LRR1: variants seen among roughly 807,000 people sequenced by gnomAD.
LRR1 encodes the protein leucine rich repeat protein 1, also known as leucine-rich repeat protein 1.
A neutral mutation model predicts 31.6 loss-of-function variants in LRR1; 29 were observed. That is an observed-to-expected ratio of 0.92 (90% CI 0.68 to 1.25). LRR1 has a LOEUF of 1.25. Ranked by LOEUF, LRR1 falls within the 50% of genes most tolerant of loss-of-function variation. The pLI, the probability that LRR1 is intolerant of heterozygous loss-of-function variation, is 0.00. For missense variants in LRR1, 485 were observed against 487.2 expected (o/e 1.00, Z 0.04); for synonymous variants, 179 against 181.4 (o/e 0.99, Z 0.10).
At chr14:49,602,552 G>C in intron 2 of LRR1, 84 bp downstream of exon 2, 5 of 1,169,868 alleles carry the variant, frequency 4.3e-6, no homozygotes, top group Non-Finnish European at 6.3e-6. Flanking sequence ...TGTCACCCAA[G>C]CTGAAGTACA....
chr14:49,612,626 TA>T, intron 3 of LRR1: 1 of 1,051,630 alleles, frequency 9.5e-7, no homozygotes, highest in Middle Eastern at 2.7e-4. Context: ...GTACCAAAGG[TA>T]ACCGCTGTTT....
chr14:49,600,842 G>T, intron 1 of LRR1: 1 of 879,200 alleles, frequency 1.1e-6, no homozygotes. Context: ...ATTTCAACTA[G>T]AAGGTACAAT....
intron 1 of LRR1, chr14:49,600,993 C>A: frequency 1.2e-6 from 2 of 1,605,620 alleles, no homozygotes; most frequent in Non-Finnish European, 1.7e-6. Flanking sequence ...AAAGAAATAT[C>A]TCCCTTTTCT....
chr14:49,602,135 A>C (rs548597939), intron 1 of LRR1, among the ~76,000 whole-genome samples: 4 of 142,574 alleles, frequency 2.8e-5, no homozygotes, highest in Non-Finnish European at 6.0e-5. Flanking sequence ...CTCAAAAAAA[A>C]ACAACTTTTT....
At position 49,608,406 on chromosome 14, in the gene LRR1, A is replaced by ATTTTTTTTTTTTTTT. The variant is rs71408651; in HGVS notation, c.1004+312_1004+326dup. 9.0e-4 allele frequency among the ~76,000 whole-genome samples: 19 copies of ATTTTTTTTTTTTTTT among 21,098 alleles called. 1 individual carries two copies. The highest frequency in any genetic ancestry group is 1.2e-3 in the Non-Finnish European group (14 of 12,160). The allele number at this position is 21,098 out of a possible 152,430, so 13.8% of individuals were successfully genotyped here. A position where few individuals can be genotyped will look rare whatever the true frequency, so the allele number is the denominator to read the frequency against. On this transcript the variant is annotated intron_variant, in intron 3 of 3. Coordinates refer to ENST00000298288, the MANE Select transcript of LRR1 (RefSeq NM_152329.4). ...ATTCCTTCCCTCCTTACATTGCTTG[A>ATTTTTTTTTTTTTTT]TTTTTTTTTTTTTTTTTTTTTTTTT... is the stretch of plus-strand genomic sequence containing the variant.
rs1356725059 is a variant in LRR1 at position 49,614,436 on chromosome 14, T to A, written c.1185T>A (p.Pro395=). The change falls in exon 4 of 4, where the codon CCT becomes CCA. Residue 395 remains proline (P), a synonymous_variant. Transcript: ENST00000298288. ...ATAATTTGGGTGGTACTGAAGCACC[T>A]ATTATCTCTTATTTCTGTTCTCTAG... is the stretch of plus-strand genomic sequence containing the variant. ...LVDNLGGTEA[P]IISYFCSLGC... 7 of 1,613,944 alleles carry A rather than the reference T, an allele frequency of 4.3e-6. No homozygotes were observed. The highest frequency in any genetic ancestry group is 5.9e-6 in the Non-Finnish European group (7 of 1,179,874).
chr14:49,606,625 C>T (rs1312886724), intron 2 of LRR1, among the ~76,000 whole-genome samples: 1 of 149,398 alleles, frequency 6.7e-6, no homozygotes, highest in Non-Finnish European at 1.5e-5. Context: ...AGGCGTGAGT[C>T]ACTACACCTG....
At chr14:49,602,534 T>C in intron 2 of LRR1, 66 bp downstream of exon 2, 3 of 1,331,218 alleles carry the variant, frequency 2.3e-6, no homozygotes, top group Non-Finnish European at 3.2e-6. Context: ...AGAAACAGAG[T>C]CTTGTTCTGT....
intron 3 of LRR1, 99 bp downstream of exon 3, chr14:49,608,220 T>A: frequency 4.1e-6 from 5 of 1,220,216 alleles, no homozygotes; most frequent in South Asian, 1.6e-5. Flanking sequence ...TACAGTGCTA[T>A]GCACAGTCTG....
chr14:49,607,356 T>G, intron 2 of LRR1, 44 bp from the exon 3 acceptor site: 1 of 1,498,638 alleles, frequency 6.7e-7, no homozygotes, highest in East Asian at 2.3e-5. Flanking sequence ...ATGTATGTAT[T>G]ATCTCCAGTG....
In LRR1 at chr14:49,613,151, A is replaced by T. The variant is rs560912998; in HGVS notation, c.1005-1105A>T. On this transcript the variant is annotated intron_variant, in intron 3 of 3. Coordinates refer to ENST00000298288, the MANE Select transcript of LRR1 (RefSeq NM_152329.4). ...TCAGGAGATCGAGACCATCCTGGCT[A>T]ACATGGTGAAACCCTGCCTCTACTA... Among the ~76,000 whole-genome samples the T allele has an allele frequency of 1.4e-4, 22 of 152,168 alleles. No homozygotes were observed. The East Asian group carries it at 4.1e-3, about 28-fold the overall frequency.
At chr14:49,605,817 T>C (rs556969632) in intron 2 of LRR1, among the ~76,000 whole-genome samples, 1 of 152,308 alleles carries the variant, frequency 6.6e-6, no homozygotes, top group Admixed American at 6.5e-5. Context: ...TGTACCTAGT[T>C]GACCCAGGTC....
intron 1 of LRR1, among the ~76,000 whole-genome samples, chr14:49,599,736 G>A (rs1426483349): frequency 7.4e-5 from 11 of 149,658 alleles, no homozygotes; most frequent in Non-Finnish European, 1.5e-4. Flanking sequence ...CGGGCGCCGA[G>A]TGGCGGGGGC....
chr14:49,608,899 CTTTTTTTTTTTTTTTT>C (rs34457930), intron 3 of LRR1, among the ~76,000 whole-genome samples: 1 of 71,544 alleles, frequency 1.4e-5, no homozygotes. Flanking sequence ...ACTTTAACCT[CTTTTTTTTTTTTTTTT>C]TTTTTTTTTT....
chr14:49,601,960 G>C (rs6572590), intron 1 of LRR1, among the ~76,000 whole-genome samples: 109,367 of 151,602 alleles, frequency 0.72, 40,605 homozygotes, highest in Non-Finnish European at 0.76. Flanking sequence ...TGATGAAACC[G>C]TGTTTCTACT....
At chr14:49,601,912 C>T (rs932674203) in intron 1 of LRR1, among the ~76,000 whole-genome samples, 4 of 151,436 alleles carry the variant, frequency 2.6e-5, no homozygotes, top group Non-Finnish European at 5.9e-5. Flanking sequence ...GCAGGCAGAT[C>T]ACTTGAGGCC....
At chr14:49,609,242 T>C (rs1390602231) in intron 3 of LRR1, among the ~76,000 whole-genome samples, 10 of 137,098 alleles carry the variant, frequency 7.3e-5, no homozygotes, top group African/African-American at 2.9e-4. Context: ...TTTTTTTTTT[T>C]TGAGACAGGG....
chr14:49,612,731 A>G (rs1882557732), intron 3 of LRR1: 1 of 743,574 alleles, frequency 1.3e-6, no homozygotes. Flanking sequence ...TTTGTTGAAA[A>G]ATATCTGAGC....
At chr14:49,601,039 T>G in intron 1 of LRR1, 1 of 1,611,156 alleles carries the variant, frequency 6.2e-7, no homozygotes, top group South Asian at 1.1e-5. Flanking sequence ...TTGCTTTCTA[T>G]TCCAGCATAC....
Sources: gnomAD v4.1 joint callset for allele counts (sites outside exome capture counted in the v4.1 genomes callset) on GRCh38, gnomAD v4.1.1 for gene constraint, MANE v1.5 for transcripts, NCBI Gene and HGNC (gene_info 2026-07-23, HGNC 2026-07-21) for gene names.